Variants in VPS54 observed in about 807,000 individuals in gnomAD.
VPS54 encodes the protein vacuolar protein sorting-associated protein 54.
A neutral mutation model predicts 121.5 loss-of-function variants in VPS54; 45 were observed. The ratio of observed to expected loss-of-function variants is 0.37; its 90% confidence interval spans 0.29 to 0.47. The LOEUF (loss-of-function observed/expected upper bound fraction) is 0.47. VPS54 is among the 20% of genes least tolerant of loss of function. VPS54 has a pLI of 0.99. For synonymous variants in VPS54, 371 were observed against 385.8 expected, an observed-to-expected ratio of 0.96 and a Z score of 0.45; for missense variants, 1,090 against 1,131.4, an observed-to-expected ratio of 0.96 and a Z score of 0.52.
At chr2:63,925,332 G>C (rs149321328) in intron 12 of VPS54, among the ~76,000 whole-genome samples, 2,687 of 152,280 alleles carry the variant, frequency 0.018, 33 homozygotes, top group Non-Finnish European at 0.022. Flanking sequence ...TACTACACTT[G>C]CAACATACCC....
intron 1 of VPS54, among the ~76,000 whole-genome samples, chr2:64,017,336 C>CA (rs34819872): frequency 0.24 from 22,978 of 96,600 alleles, 2,127 homozygotes; most frequent in Middle Eastern, 0.35. Flanking sequence ...GACCCCGTCT[C>CA]AAAAAAAAAA....
In VPS54 at chr2:63,962,123, T is replaced by C. The variant is rs753230957; in HGVS notation, c.945A>G (p.Ala315=). ...CTTGTGTTGTTGCTATTAAGTCCAA[T>C]GCTCCAACAAATTCAGAAGTAGATA... The part of the protein sequence containing the change: ...VLLSTSEFVG[A]LDLIATTQEV... The change falls in exon 7 of 23, where the codon GCA becomes GCG. Residue 315 remains alanine, a synonymous_variant. Coordinates refer to ENST00000272322, the MANE Select transcript of VPS54 (RefSeq NM_016516.3). 3.1e-6 allele frequency: 5 copies of C among 1,608,482 alleles called. No homozygotes were observed. Among genetic ancestry groups the C allele is most frequent in the African/African-American group, 1.3e-5 (1 of 74,834 alleles).
Position 63,946,495 on chromosome 2 carries a change from T to G in VPS54, c.1245+888A>C, listed in dbSNP as rs116590923. 6.7e-3 allele frequency among the ~76,000 whole-genome samples: 1,025 copies of G among 152,270 alleles called. 12 individuals are homozygous for G. Among genetic ancestry groups the G allele is most frequent in the African/African-American group, 0.023 (950 of 41,570 alleles). On this transcript the variant is annotated intron_variant, in intron 9 of 22. Transcript: ENST00000272322. The stretch of plus-strand genomic sequence containing the variant: ...AGTGGTTGTACCAATTTAAAAATAG[T>G]GTTTTAATCAGTGCTTGAAAGAGGG...
chr2:63,951,492 G>C (rs894124108), intron 7 of VPS54, among the ~76,000 whole-genome samples: 7 of 152,044 alleles, frequency 4.6e-5, no homozygotes, highest in African/African-American at 1.4e-4. Flanking sequence ...TAGATGACTA[G>C]CATCACTTCA....
At chr2:63,957,001 T>C (rs1252288734) in intron 7 of VPS54, among the ~76,000 whole-genome samples, 2 of 152,170 alleles carry the variant, frequency 1.3e-5, no homozygotes, top group Non-Finnish European at 2.9e-5. Flanking sequence ...GAGACTTATG[T>C]ACTACATCTG....
chr2:63,899,219 T>G (rs1193149935), intron 21 of VPS54, among the ~76,000 whole-genome samples: 1 of 152,204 alleles, frequency 6.6e-6, no homozygotes, highest in South Asian at 2.1e-4. Flanking sequence ...CTACTGATCA[T>G]GGACAAATGG....
At chr2:63,987,475 C>CTT (rs70965159) in intron 1 of VPS54, among the ~76,000 whole-genome samples, 30 of 151,710 alleles carry the variant, frequency 2.0e-4, no homozygotes, top group Admixed American at 1.6e-3. Flanking sequence ...TTCCAATTTT[C>CTT]TTTTTTTTGC....
At chr2:63,915,437 C>A (rs185357722) in intron 16 of VPS54, among the ~76,000 whole-genome samples, 1 of 152,172 alleles carries the variant, frequency 6.6e-6, no homozygotes, top group Admixed American at 6.5e-5. Context: ...TATATGCATA[C>A]TGGTCTCTAT....
chr2:63,982,656 G>C (rs1219832529), intron 2 of VPS54, among the ~76,000 whole-genome samples: 1 of 152,158 alleles, frequency 6.6e-6, no homozygotes, highest in Non-Finnish European at 1.5e-5. Context: ...CACAACACAT[G>C]TATTTTCTCC....
chr2:63,932,825 CTTTG>C (rs1181429769), intron 12 of VPS54, among the ~76,000 whole-genome samples: 3 of 152,000 alleles, frequency 2.0e-5, no homozygotes, highest in Admixed American at 2.0e-4. Flanking sequence ...AATTGGTAAA[CTTTG>C]TTTAAATGGG....
In VPS54 at chr2:63,899,439, T is replaced by C. The variant is rs2302807; in HGVS notation, c.2733+35A>G. 95 of 1,574,318 alleles carry C rather than the reference T, an allele frequency of 6.0e-5. No homozygotes were observed. The East Asian group carries it at 1.7e-3, about 28-fold the overall frequency. ...AATTCTGTACAGATATTGTATGTTA[T>C]ATATACATGAATAGTTTTAGGAATT... is the stretch of plus-strand genomic sequence containing the variant. On this transcript the variant is annotated intron_variant, in intron 21 of 22. Coordinates refer to ENST00000272322, the MANE Select transcript of VPS54 (RefSeq NM_016516.3).
At chr2:64,005,152 A>G (rs1418252835) in intron 1 of VPS54, among the ~76,000 whole-genome samples, 1 of 110,372 alleles carries the variant, frequency 9.1e-6, no homozygotes, top group Non-Finnish European at 1.7e-5. Context: ...AGCCCAGGCC[A>G]GATTGCAGTG....
At position 63,893,239 on chromosome 2, in the gene VPS54, G is replaced by A. The variant is rs886175124; in HGVS notation, c.*191C>T. On this transcript the variant is annotated 3_prime_UTR_variant, in exon 23 of 23. Coordinates refer to ENST00000272322, the MANE Select transcript of VPS54 (RefSeq NM_016516.3). ...GATCAGTTACTCCTCACTGTAGGAT[G>A]CACAAAAATGACATTCCTTGTAGAT... The A allele has an allele frequency of 7.4e-6, 5 of 675,926 alleles. No individual in the cohort carries two copies. The highest frequency in any genetic ancestry group is 7.0e-5 in the African/African-American group (4 of 56,852). The allele number at this position is 675,926 out of a possible 1,614,324, so 41.9% of individuals were successfully genotyped here.
At position 63,902,691 on chromosome 2, in the gene VPS54, G is replaced by A. The variant is rs1326016169; in HGVS notation, c.2626-3110C>T. The stretch of plus-strand genomic sequence containing the variant: ...AGATATAAAAATAACTGATTAGGCC[G>A]GGCACAGTGGCTCAAGCCTGTATTC... On this transcript the variant is annotated intron_variant, in intron 20 of 22. Coordinates refer to ENST00000272322, the MANE Select transcript of VPS54 (RefSeq NM_016516.3). Among the ~76,000 whole-genome samples the A allele has an allele frequency of 8.5e-5, 13 of 152,280 alleles. No individual in the cohort carries two copies. In the South Asian group the frequency reaches 1.5e-3, roughly 17 times the overall value.
chr2:63,930,413 C>G (rs998198308), intron 12 of VPS54, among the ~76,000 whole-genome samples: 1 of 151,988 alleles, frequency 6.6e-6, no homozygotes, highest in African/African-American at 2.4e-5. Context: ...TGACAAAAAC[C>G]ACATGATTAT....
At chr2:63,899,787 T>G (rs984578684) in intron 20 of VPS54, among the ~76,000 whole-genome samples, 4 of 152,212 alleles carry the variant, frequency 2.6e-5, no homozygotes, top group Non-Finnish European at 5.9e-5. Flanking sequence ...TTGAAGGAAC[T>G]AAAATAGCTC....
intron 1 of VPS54, among the ~76,000 whole-genome samples, chr2:64,012,684 G>C (rs866760504): frequency 2.0e-5 from 3 of 146,578 alleles, no homozygotes; most frequent in Non-Finnish European, 4.5e-5. Context: ...TCTCTTCATC[G>C]GCCCATCAAA....
At chr2:63,974,166 T>C (rs1429876415) in intron 3 of VPS54, among the ~76,000 whole-genome samples, 5 of 152,226 alleles carry the variant, frequency 3.3e-5, no homozygotes, top group Non-Finnish European at 5.9e-5. Context: ...TTCTCTTTGG[T>C]ATGTGGATGT....
chr2:63,913,786 C>G, intron 17 of VPS54: 1 of 946,522 alleles, frequency 1.1e-6, no homozygotes, highest in Non-Finnish European at 1.3e-6. Context: ...CATTTTATAT[C>G]AATGGTTCTG....
Sources: gnomAD v4.1 joint callset for allele counts (sites outside exome capture counted in the v4.1 genomes callset) on GRCh38, gnomAD v4.1.1 for gene constraint, MANE v1.5 for transcripts, NCBI Gene and HGNC (gene_info 2026-07-23, HGNC 2026-07-21) for gene names.